The following ANKRD12 variants were observed in gnomAD, a reference collection of about 807,000 sequenced individuals.
ANKRD12 encodes the protein ankyrin repeat domain-containing protein 12.
A neutral mutation model predicts 183.4 loss-of-function variants in ANKRD12; 85 were observed. The ratio of observed to expected loss-of-function variants is 0.46; its 90% CI spans 0.39 to 0.56. The LOEUF is 0.56. Ranked by LOEUF, ANKRD12 falls within the 20% of genes least tolerant of loss-of-function variation. The probability of loss-of-function intolerance (pLI) is 0.00; values close to 1 mark genes in which losing one functional copy is unlikely to be tolerated. For missense variants in ANKRD12, 2,405 were observed against 2,357.1 expected (o/e 1.02, Z -0.42); for synonymous variants, 914 against 800.2 (o/e 1.14, Z -2.40).
chr18:9,228,265 G>A (rs574944103), intron 8 of ANKRD12, among the ~76,000 whole-genome samples: 48 of 151,988 alleles, frequency 3.2e-4, no homozygotes, highest in Non-Finnish European at 5.4e-4. Flanking sequence ...CTTTGCTGTC[G>A]GGAACAGAGC....
At chr18:9,143,847 T>A (rs2078404455) in intron 1 of ANKRD12, among the ~76,000 whole-genome samples, 1 of 152,168 alleles carries the variant, frequency 6.6e-6, no homozygotes, top group African/African-American at 2.4e-5. Flanking sequence ...GTCCTCATGT[T>A]ATTGAAAGTA....
Position 9,208,728 on chromosome 18 carries a change from C to T in ANKRD12, c.376C>T (p.Leu126Phe). ...TAAGAAATCCACACCAGTTAGCATT[C>T]TTTTTGGTTATCCACTCTCTGAGCG... ...GNKKSTPVSI[L>F]FGYPLSERKQ... is the part of the protein sequence containing the mutation. The change falls in exon 5 of 13, where the codon CTT becomes TTT. Residue 126 changes from leucine (L) to phenylalanine (F), a missense_variant. Transcript: ENST00000262126. 8.1e-6 allele frequency: 13 copies of T among 1,611,078 alleles called. No homozygotes were observed. Among genetic ancestry groups the T allele is most frequent in the Non-Finnish European group, 1.1e-5 (13 of 1,178,434 alleles).
At chr18:9,199,279 G>A (rs767579365) in intron 3 of ANKRD12, among the ~76,000 whole-genome samples, 2 of 152,102 alleles carry the variant, frequency 1.3e-5, no homozygotes, top group African/African-American at 2.4e-5. Flanking sequence ...AGAATAATAC[G>A]TAATATGGGA....
intron 1 of ANKRD12, among the ~76,000 whole-genome samples, chr18:9,162,476 G>A (rs1387967315): frequency 1.3e-5 from 2 of 152,098 alleles, no homozygotes; most frequent in Non-Finnish European, 2.9e-5. Flanking sequence ...TTGATTCCAT[G>A]TCTTTGCTAT....
At chr18:9,264,596 C>T (rs545016353) in intron 10 of ANKRD12, among the ~76,000 whole-genome samples, 111 of 152,232 alleles carry the variant, frequency 7.3e-4, no homozygotes, top group South Asian at 1.5e-3. Context: ...AGAACCTCTT[C>T]TCAGAATGTT....
Position 9,254,541 on chromosome 18 carries a change from G to A in ANKRD12, c.1274G>A (p.Ser425Asn), listed in dbSNP as rs1237691788. The change falls in exon 9 of 13, where the codon AGT becomes AAT. Residue 425 changes from serine to asparagine, a missense_variant. By Grantham distance (46) the Ser-to-Asn change is conservative. This residue lies in a region of ANKRD12 where 1,983 missense variants were observed against 1,725.9 expected (regional missense o/e 1.15). Transcript: ENST00000262126. ...KQKPSRVLYS[S>N]TESSDEEALQ... ...AAGCCATCTAGGGTCTTATATTCAA[G>A]TACTGAAAGTTCTGATGAAGAAGCT... 6.4e-7 allele frequency: 1 copy of A among 1,552,434 alleles called. No individual in the cohort carries two copies. Among genetic ancestry groups the A allele is most frequent in the South Asian group, 1.2e-5 (1 of 80,078 alleles).
At chr18:9,230,192 A>G (rs1451006847) in intron 8 of ANKRD12, among the ~76,000 whole-genome samples, 1 of 151,916 alleles carries the variant, frequency 6.6e-6, no homozygotes, top group Non-Finnish European at 1.5e-5. Context: ...ATTTTCTGTT[A>G]CTTTCTGGTT....
chr18:9,173,630 G>A (rs1050572765), intron 1 of ANKRD12, among the ~76,000 whole-genome samples: 1 of 149,546 alleles, frequency 6.7e-6, no homozygotes, highest in African/African-American at 2.5e-5. Flanking sequence ...GGGGGGGTAG[G>A]GGGGGCAGTA....
chr18:9,150,468 T>C (rs948584312), intron 1 of ANKRD12, among the ~76,000 whole-genome samples: 3 of 152,200 alleles, frequency 2.0e-5, no homozygotes, highest in African/African-American at 7.2e-5. Flanking sequence ...GTTAAAACTT[T>C]AGAGAACTTT....
chr18:9,180,599 A>G (rs1014957657), intron 1 of ANKRD12, among the ~76,000 whole-genome samples: 7 of 151,494 alleles, frequency 4.6e-5, no homozygotes, highest in Non-Finnish European at 8.8e-5. Flanking sequence ...TACTTTTTGT[A>G]TAGTTATTAT....
intron 8 of ANKRD12, among the ~76,000 whole-genome samples, chr18:9,224,596 C>G (rs1019115262): frequency 9.9e-5 from 15 of 152,188 alleles, no homozygotes; most frequent in Admixed American, 2.6e-4. Flanking sequence ...TGGAGTGAAG[C>G]TGGCACCATA....
intron 3 of ANKRD12, among the ~76,000 whole-genome samples, chr18:9,202,182 G>A (rs185819564): frequency 6.6e-6 from 1 of 152,240 alleles, no homozygotes; most frequent in Admixed American, 6.5e-5. Flanking sequence ...AACACAGTAT[G>A]ATGTGTTCAC....
At position 9,157,585 on chromosome 18, in the gene ANKRD12, G is replaced by GTATATATA. The variant is rs1380048925; in HGVS notation, c.-52+20628_-52+20635dup. 3.7e-3 allele frequency among the ~76,000 whole-genome samples: 341 copies of GTATATATA among 92,652 alleles called. 14 individuals carry two copies. The highest frequency in any genetic ancestry group is 0.017 in the African/African-American group (322 of 19,016). The allele number at this position is 92,652 out of a possible 152,430, so 60.8% of individuals were successfully genotyped here. A position where few individuals can be genotyped will look rare whatever the true frequency, so the allele number is the denominator to read the frequency against. On this transcript the variant is annotated intron_variant, in intron 1 of 12. Transcript: ENST00000262126. ...TGTGTGTGTGTGTGTGTGTGTGTGT[G>GTATATATA]TATATATATATATATGTATTTTTTT...
At chr18:9,152,498 A>G (rs2143599363) in intron 1 of ANKRD12, among the ~76,000 whole-genome samples, 1 of 150,850 alleles carries the variant, frequency 6.6e-6, no homozygotes, top group South Asian at 2.1e-4. Context: ...CTGTCTTTTT[A>G]TTTTCACCGT....
At position 9,257,512 on chromosome 18, in the gene ANKRD12, GA is replaced by G; in HGVS notation, c.4247del (p.Asn1416IlefsTer11). On this transcript the variant is annotated frameshift_variant, in exon 9 of 13. Transcript: ENST00000262126. LOFTEE classifies it high-confidence loss of function. ...CATCTAGTCAGGTTGGTGTGATCCA[GA>G]ATAAATCATGGGAGATGCCTGTTGA... ...EPSSQVGVIQNKSWEMPVDRL... is the reference protein window; with the variant it reads ...EPSSQVGVIQXKSWEMPVDRL... 1 of 1,614,060 alleles carries G rather than the reference GA, an allele frequency of 6.2e-7. No homozygotes were observed. The highest frequency in any genetic ancestry group is 2.2e-5 in the East Asian group (1 of 44,872).
At chr18:9,280,899 G>A in intron 12 of ANKRD12, 42 bp from the exon 13 acceptor site, 3 of 1,577,968 alleles carry the variant, frequency 1.9e-6, no homozygotes, top group South Asian at 1.2e-5. Context: ...ACAAAGCAAA[G>A]TTAACAGAAT....
At chr18:9,236,124 T>A (rs2037332100) in intron 8 of ANKRD12, among the ~76,000 whole-genome samples, 1 of 152,110 alleles carries the variant, frequency 6.6e-6, no homozygotes, top group Non-Finnish European at 1.5e-5. Flanking sequence ...GGAACTAACT[T>A]AGGAAGAGGA....
At chr18:9,250,236 A>G (rs1029236478) in intron 8 of ANKRD12, 1 of 152,108 alleles carries the variant, frequency 6.6e-6, no homozygotes, top group Non-Finnish European at 1.5e-5. Flanking sequence ...AATAGTGGAG[A>G]TGATGGTCCA....
At chr18:9,240,807 A>G (rs2037616767) in intron 8 of ANKRD12, among the ~76,000 whole-genome samples, 1 of 152,188 alleles carries the variant, frequency 6.6e-6, no homozygotes, top group Non-Finnish European at 1.5e-5. Flanking sequence ...AAATTACAGT[A>G]GTATGTTGTT....
Sources: gnomAD v4.1 joint callset for allele counts (sites outside exome capture counted in the v4.1 genomes callset) on GRCh38, gnomAD v4.1.1 for gene constraint, gnomAD v4.1.1 regional missense constraint, MANE v1.5 for transcripts, NCBI Gene and HGNC (gene_info 2026-07-23, HGNC 2026-07-21) for gene names.